The following PPP4R1 variants were observed in gnomAD, a reference collection of about 807,000 sequenced individuals.
The protein encoded by PPP4R1 is serine/threonine-protein phosphatase 4 regulatory subunit 1.
In PPP4R1, 42 loss-of-function variants were observed where a neutral mutation model predicts 111.2. The ratio of observed to expected loss-of-function variants is 0.38; its 90% confidence interval spans 0.29 to 0.49. PPP4R1 has a LOEUF of 0.49. Ranked by LOEUF, PPP4R1 falls within the 20% of genes least tolerant of loss-of-function variation. The pLI is 0.97. For missense variants in PPP4R1, 1,012 were observed against 1,161.6 expected (o/e 0.87, Z 1.87); for synonymous variants, 409 against 405.5 (o/e 1.01, Z -0.10).
chr18:9,603,685 A>C (rs1260454191), intron 2 of PPP4R1, among the ~76,000 whole-genome samples: 1 of 152,030 alleles, frequency 6.6e-6, no homozygotes, highest in African/African-American at 2.4e-5. Flanking sequence ...CTGCTGGTCT[A>C]TGTTGCCAGG....
intron 14 of PPP4R1, among the ~76,000 whole-genome samples, chr18:9,557,755 G>A (rs569491194): frequency 1.9e-4 from 29 of 151,750 alleles, no homozygotes; most frequent in African/African-American, 6.3e-4. Flanking sequence ...AGAACATGCC[G>A]ACGTACTGAG....
intron 2 of PPP4R1, among the ~76,000 whole-genome samples, chr18:9,603,465 A>G (rs2067426223): frequency 1.3e-5 from 2 of 152,294 alleles, no homozygotes; most frequent in African/African-American, 4.8e-5. Context: ...GAAACTCAAT[A>G]AAACTTTAAG....
chr18:9,548,282 CAAA>C (rs756320086), intron 19 of PPP4R1, among the ~76,000 whole-genome samples: 1 of 120,740 alleles, frequency 8.3e-6, no homozygotes. Flanking sequence ...ACACCAACTA[CAAA>C]AAAAAAAAAA....
At chr18:9,561,135 C>T (rs1402432038) in intron 13 of PPP4R1, among the ~76,000 whole-genome samples, 2 of 150,784 alleles carry the variant, frequency 1.3e-5, no homozygotes, top group Non-Finnish European at 3.0e-5. Flanking sequence ...AGGAGAACTG[C>T]TTGAACCCAG....
chr18:9,585,516 T>C (rs2067101387), intron 6 of PPP4R1, among the ~76,000 whole-genome samples: 1 of 152,208 alleles, frequency 6.6e-6, no homozygotes. Context: ...CCTGTTGTCA[T>C]TTATCAATTG....
At position 9,614,097 on chromosome 18, in the gene PPP4R1, G is replaced by T. The variant is rs2067639092; in HGVS notation, c.52+129C>A. 2 of 808,424 alleles carry T rather than the reference G, an allele frequency of 2.5e-6. No individual in the cohort carries two copies. Among genetic ancestry groups the T allele is most frequent in the Non-Finnish European group, 1.6e-6 (1 of 618,268 alleles). 50.1% of individuals were successfully genotyped at this position (808,424 alleles called of 1,614,324 possible). Reference sequence around the variant, plus strand: ...ATTTTCCCCCCCGATCGCCACCCCAGCCCGCCTGGGGCCGCCCTCGCCCAC... The same window carrying T: ...ATTTTCCCCCCCGATCGCCACCCCATCCCGCCTGGGGCCGCCCTCGCCCAC... On this transcript the variant is annotated intron_variant, in intron 2 of 19. Transcript: ENST00000400556. This position sits in a 1 kb window ranked among gnomAD's most constrained non-coding sequence, Gnocchi z 4.1.
chr18:9,595,995 A>C (rs2067284225), intron 2 of PPP4R1, among the ~76,000 whole-genome samples: 1 of 152,252 alleles, frequency 6.6e-6, no homozygotes, highest in Admixed American at 6.5e-5. Context: ...AAAGCCGAGA[A>C]GCCAAACCTG....
intron 15 of PPP4R1, 184 bp downstream of exon 15, chr18:9,557,037 G>GT: frequency 1.9e-6 from 1 of 520,440 alleles, no homozygotes; most frequent in Non-Finnish European, 3.3e-6. Context: ...ATCTAATACT[G>GT]TTTTAAAAGT....
In PPP4R1 at chr18:9,559,534, T is replaced by A; in HGVS notation, c.1913A>T (p.Asp638Val). The A allele has an allele frequency of 6.2e-7, 1 of 1,613,702 alleles. No homozygotes were observed. The highest frequency in any genetic ancestry group is 8.5e-7 in the Non-Finnish European group (1 of 1,179,696). The change falls in exon 14 of 20, where the codon GAC (aspartate) becomes GTC (valine). Residue 638 changes from aspartate to valine, a missense_variant. By Grantham distance (152) the Asp-to-Val change is radical (BLOSUM62 -3). Coordinates refer to ENST00000400556, the MANE Select transcript of PPP4R1 (RefSeq NM_001042388.3). ...MTDPSRAQTV[D>V]TEIAKHCAYS... ...TGCACAGTGCTTAGCAATTTCAGTG[T>A]CAACCGTCTGTGCACGAGAAGGGTC...
In PPP4R1 at chr18:9,588,137, C is replaced by T; in HGVS notation, c.537G>A (p.Glu179=). ...CATCATTGCTATCTGGGGCTGTCAG[C>T]TCTATGAGGACAGGGCACACTTTGG... ...VETKVCPVLI[E]LTAPDSNDDV... The change falls in exon 6 of 20, where the codon GAG becomes GAA. Residue 179 remains glutamate, a synonymous_variant. Transcript: ENST00000400556. 2 of 1,614,172 alleles carry T rather than the reference C, an allele frequency of 1.2e-6. No individual in the cohort carries two copies. The highest frequency in any genetic ancestry group is 2.2e-5 in the East Asian group (1 of 44,880).
At chr18:9,584,867 A>C in intron 6 of PPP4R1, 39 bp from the exon 7 acceptor site, 1 of 1,442,228 alleles carries the variant, frequency 6.9e-7, no homozygotes, top group Non-Finnish European at 9.6e-7. Flanking sequence ...GAAAATATCA[A>C]GTAAGCCTCT....
At chr18:9,550,423 C>T (rs763009417) in intron 16 of PPP4R1, 25 bp from the exon 17 acceptor site, 2 of 1,564,542 alleles carry the variant, frequency 1.3e-6, no homozygotes, top group Admixed American at 3.8e-5. Flanking sequence ...TACAAAAAGA[C>T]AATGTTTAAA....
intron 2 of PPP4R1, among the ~76,000 whole-genome samples, chr18:9,595,474 G>A (rs1465198167): frequency 6.6e-6 from 1 of 152,156 alleles, no homozygotes; most frequent in Non-Finnish European, 1.5e-5. Context: ...CTTGTGAATA[G>A]GCACACAAAA....
chr18:9,594,369 T>A, intron 3 of PPP4R1: 1 of 152,490 alleles, frequency 6.6e-6, no homozygotes. Flanking sequence ...AAGATGAGAC[T>A]GAATATTTAC....
rs752079447 is a variant in PPP4R1, at chr18:9,614,225, C to G, written c.52+1G>C. 7.3e-7 allele frequency: 1 copy of G among 1,370,020 alleles called. No homozygotes were observed. The highest frequency in any genetic ancestry group is 1.6e-5 in the South Asian group (1 of 61,552). 84.9% of individuals were successfully genotyped at this position (1,370,020 alleles called of 1,614,324 possible). Reference sequence around the variant, plus strand: ...GGCCACCGCGAGGCCGGGCCACTCACATCCGTCTGCGTCCTCCTGCAGGTC... The same window carrying G: ...GGCCACCGCGAGGCCGGGCCACTCAGATCCGTCTGCGTCCTCCTGCAGGTC... On this transcript the variant is annotated splice_donor_variant, in intron 2 of 19. Transcript: ENST00000400556. LOFTEE classifies it high-confidence loss of function. The surrounding 1 kb of genome is among the most constrained non-coding windows in gnomAD (Gnocchi z 4.1).
At chr18:9,553,285 C>A in intron 16 of PPP4R1, 37 bp downstream of exon 16, 1 of 1,416,844 alleles carries the variant, frequency 7.1e-7, no homozygotes, top group East Asian at 2.3e-5. Flanking sequence ...AATATATACC[C>A]CTCCAAAACA....
intron 6 of PPP4R1, among the ~76,000 whole-genome samples, chr18:9,587,068 T>C (rs995623168): frequency 6.6e-6 from 1 of 152,186 alleles, no homozygotes; most frequent in Admixed American, 6.5e-5. Context: ...ACAAAGACCA[T>C]ACCTGTCAGA....
At chr18:9,565,290 G>GA (rs2066747682) in intron 11 of PPP4R1, among the ~76,000 whole-genome samples, 1 of 152,234 alleles carries the variant, frequency 6.6e-6, no homozygotes, top group Non-Finnish European at 1.5e-5. Flanking sequence ...CAGCTCTACC[G>GA]ACTTTCTTTA....
chr18:9,570,679 T>C lies in PPP4R1; in HGVS notation c.1051A>G (p.Arg351Gly), dbSNP rs376338655. Residue 351 changes from arginine (R) to glycine (G), a missense_variant, in exon 11 of 20, where the codon AGA becomes GGA. Around this residue, in one of 2 missense-constraint regions of PPP4R1, gnomAD observed 707 missense variants for 742.1 expected, o/e 0.95. Transcript: ENST00000400556. ...EMSVENKNRT[R>G]DQEAPEDVQV... ...ACATCCTCTGGGGCTTCTTGATCTC[T>C]GGTCCTTTTATTGTTTTATTTGGTG... The C allele has an allele frequency of 6.5e-7, 1 of 1,537,942 alleles. No homozygotes were observed. The highest frequency in any genetic ancestry group is 1.4e-5 in the African/African-American group (1 of 71,824).
Sources: allele counts gnomAD v4.1 joint callset (sites outside exome capture counted in the v4.1 genomes callset), GRCh38; gene constraint gnomAD v4.1.1; regional missense constraint gnomAD v4.1.1; non-coding constraint Gnocchi (gnomAD v3.1); transcripts MANE v1.5; gene names NCBI Gene and HGNC (gene_info 2026-07-23, HGNC 2026-07-21).